The following TMEM132D variants were observed in gnomAD, a reference collection of about 807,000 sequenced individuals.
TMEM132D encodes the protein transmembrane protein 132D.
Under a neutral mutation model 62.3 loss-of-function variants are expected in TMEM132D, and 21 were observed. The ratio of observed to expected loss-of-function variants is 0.34; its 90% CI spans 0.24 to 0.49. TMEM132D has a LOEUF of 0.49. TMEM132D is among the 20% of genes least tolerant of loss of function. The probability of loss-of-function intolerance (pLI) is 0.99; values close to 1 mark genes in which losing one functional copy is unlikely to be tolerated. For synonymous variants in TMEM132D, 621 were observed against 575.6 expected (o/e 1.08, Z -1.13); for missense variants, 1,346 against 1,402.8 (o/e 0.96, Z 0.65).
intron 4 of TMEM132D, among the ~76,000 whole-genome samples, chr12:129,316,653 G>A (rs764065284): frequency 6.8e-4 from 103 of 152,210 alleles, no homozygotes; most frequent in Admixed American, 3.1e-3. Context: ...GTATATATCT[G>A]TTAAGTCCAT....
At chr12:129,724,622 G>C (rs997487893) in intron 1 of TMEM132D, among the ~76,000 whole-genome samples, 3 of 152,026 alleles carry the variant, frequency 2.0e-5, no homozygotes, top group Non-Finnish European at 4.4e-5. Context: ...TCCCTGGTTC[G>C]AGCGATTCTC....
intron 2 of TMEM132D, among the ~76,000 whole-genome samples, chr12:129,647,168 G>T (rs1038715185): frequency 6.1e-5 from 9 of 148,322 alleles, no homozygotes; most frequent in Non-Finnish European, 1.2e-4. Flanking sequence ...GTATTATTTT[G>T]CATGTTTTTC....
At chr12:129,600,535 A>G (rs1878458001) in intron 2 of TMEM132D, among the ~76,000 whole-genome samples, 1 of 152,238 alleles carries the variant, frequency 6.6e-6, no homozygotes, top group Non-Finnish European at 1.5e-5. Flanking sequence ...GCCCAAATCC[A>G]TCAGAGGAAT....
chr12:129,430,247 G>A (rs937237141), intron 3 of TMEM132D, among the ~76,000 whole-genome samples: 8 of 152,192 alleles, frequency 5.3e-5, no homozygotes, highest in South Asian at 2.1e-4. Flanking sequence ...AGCACCTGTC[G>A]TTTCCTGACT....
chr12:129,523,180 T>C (rs1292787293), intron 3 of TMEM132D, among the ~76,000 whole-genome samples: 2 of 152,198 alleles, frequency 1.3e-5, no homozygotes, highest in Non-Finnish European at 2.9e-5. Flanking sequence ...TGAAGACAGA[T>C]AGTAGCACAT....
At chr12:129,891,755 A>G in intron 1 of TMEM132D, among the ~76,000 whole-genome samples, 1 of 152,254 alleles carries the variant, frequency 6.6e-6, no homozygotes, top group East Asian at 1.9e-4. Flanking sequence ...AAGCCATGAT[A>G]CAGACATTAA....
intron 5 of TMEM132D, chr12:129,109,946 C>A (rs1164130225): frequency 6.6e-6 from 1 of 152,602 alleles, no homozygotes; most frequent in Non-Finnish European, 1.5e-5. Context: ...CCTTCAGAAG[C>A]CACCTGGTCA....
chr12:129,554,598 T>C (rs1876999809), intron 2 of TMEM132D, among the ~76,000 whole-genome samples: 1 of 152,200 alleles, frequency 6.6e-6, no homozygotes, highest in Non-Finnish European at 1.5e-5. Context: ...CTTCTGAATC[T>C]TGTCCACCTA....
At chr12:129,587,962 C>G (rs540699155) in intron 2 of TMEM132D, among the ~76,000 whole-genome samples, 5 of 152,174 alleles carry the variant, frequency 3.3e-5, no homozygotes, top group Non-Finnish European at 7.4e-5. Context: ...CTGGTGCAGA[C>G]AGACCTGAGC....
At chr12:129,892,165 A>G (rs889926495) in intron 1 of TMEM132D, among the ~76,000 whole-genome samples, 16 of 152,202 alleles carry the variant, frequency 1.1e-4, no homozygotes, top group Admixed American at 6.5e-5. Context: ...GTTAAAGCAA[A>G]GCTAAACAGG....
intron 4 of TMEM132D, among the ~76,000 whole-genome samples, chr12:129,314,373 T>A (rs1343057491): frequency 6.6e-6 from 1 of 152,228 alleles, no homozygotes; most frequent in East Asian, 1.9e-4. Flanking sequence ...GAAAAGGGTG[T>A]CCTTTCCCCA....
At chr12:129,126,955 G>C (rs1210615737) in intron 5 of TMEM132D, among the ~76,000 whole-genome samples, 1 of 152,226 alleles carries the variant, frequency 6.6e-6, no homozygotes, top group Non-Finnish European at 1.5e-5. Context: ...TTGGGCATGT[G>C]ATGCCCTGCA....
In TMEM132D at chr12:129,642,920, CT is replaced by C. The variant is rs71082742; in HGVS notation, c.968+56889del. On this transcript the variant is annotated intron_variant, in intron 2 of 8. Coordinates refer to ENST00000422113, the MANE Select transcript of TMEM132D (RefSeq NM_133448.3). ...AGACACAACCAAAGAATTTACAAATCTTTTTTTTTTTTTTTTTTTTTGAGAC... is the reference window on the plus strand; with the variant it reads ...AGACACAACCAAAGAATTTACAAATCTTTTTTTTTTTTTTTTTTTTGAGAC... 9.4e-3 allele frequency among the ~76,000 whole-genome samples: 991 copies of C among 105,508 alleles called. 4 individuals are homozygous for C. Among genetic ancestry groups the C allele is most frequent in the Non-Finnish European group, 0.012 (654 of 55,794 alleles). 69.2% of individuals were successfully genotyped at this position (105,508 alleles called of 152,430 possible).
chr12:129,756,859 T>G lies in TMEM132D; in HGVS notation c.80-56161A>C, dbSNP rs371195164. ...CCAGCATTCCGCTTTCTGCAACCCT[T>G]GCTTGCTTGCCTTCAGGCTGTGGAA... is the stretch of plus-strand genomic sequence containing the variant. On this transcript the variant is annotated intron_variant, in intron 1 of 8. Transcript: ENST00000422113. 5.9e-4 allele frequency among the ~76,000 whole-genome samples: 90 copies of G among 152,324 alleles called. 1 individual carries two copies. The South Asian group carries it at 0.017, about 29-fold the overall frequency.
chr12:129,614,701 T>C (rs976844555), intron 2 of TMEM132D, among the ~76,000 whole-genome samples: 1 of 152,012 alleles, frequency 6.6e-6, no homozygotes, highest in Admixed American at 6.6e-5. Context: ...GCGGGGACTG[T>C]GGAAAACGAA....
At chr12:129,211,350 A>C (rs1163095480) in intron 4 of TMEM132D, among the ~76,000 whole-genome samples, 1 of 152,138 alleles carries the variant, frequency 6.6e-6, no homozygotes, top group Non-Finnish European at 1.5e-5. Context: ...TTGTCATTTT[A>C]CTTTCACTCA....
intron 5 of TMEM132D, among the ~76,000 whole-genome samples, chr12:129,183,431 C>T (rs1268874512): frequency 6.6e-6 from 1 of 152,208 alleles, no homozygotes; most frequent in East Asian, 1.9e-4. Flanking sequence ...TCAACTCTGT[C>T]TTGTGGGTAG....
Position 129,084,946 on chromosome 12 carries a change from T to G in TMEM132D, c.1444-244A>C, listed in dbSNP as rs1593254440. The G allele has an allele frequency of 5.4e-6, 3 of 557,398 alleles. No homozygotes were observed. In the East Asian group the frequency reaches 9.3e-5, roughly 17 times the overall value. The allele number at this position is 557,398 out of a possible 1,614,324, so 34.5% of individuals were successfully genotyped here. A position where few individuals can be genotyped will look rare whatever the true frequency, so the allele number is the denominator to read the frequency against. ...GCTTCCTGGGGTCCCTGTGGCTAGG[T>G]TGGTGGACTCCTCCCCAGGGGCTGC... is the stretch of plus-strand genomic sequence containing the variant. On this transcript the variant is annotated intron_variant, in intron 5 of 8. Transcript: ENST00000422113.
chr12:129,786,675 G>A (rs1420127385), intron 1 of TMEM132D, among the ~76,000 whole-genome samples: 1 of 152,244 alleles, frequency 6.6e-6, no homozygotes, highest in Non-Finnish European at 1.5e-5. Flanking sequence ...CAGATCACCT[G>A]AGGTCGGGAG....
Sources: allele counts gnomAD v4.1 joint callset (sites outside exome capture counted in the v4.1 genomes callset), GRCh38; gene constraint gnomAD v4.1.1; transcripts MANE v1.5; gene names NCBI Gene and HGNC (gene_info 2026-07-23, HGNC 2026-07-21).